BICRAL: variants seen among roughly 807,000 people sequenced by gnomAD.
BICRAL encodes the protein BRD4-interacting chromatin-remodeling complex-associated protein-like.
A neutral mutation model predicts 91.8 loss-of-function variants in BICRAL; 8 were observed. That is an observed-to-expected ratio of 0.09 (90% CI 0.05 to 0.16). The LOEUF (loss-of-function observed/expected upper bound fraction) is 0.16, where lower values mean the gene tolerates loss of function less well. BICRAL is among the 10% of genes least tolerant of loss of function. The pLI, the probability that BICRAL is intolerant of heterozygous loss-of-function variation, is 1.00. For missense variants in BICRAL, 1,038 were observed against 1,310.9 expected, an observed-to-expected ratio of 0.79 and a Z score of 3.21; for synonymous variants, 445 against 491.1, an observed-to-expected ratio of 0.91 and a Z score of 1.24.
At chr6:42,777,883 C>T (rs1287014420), upstream of BICRAL, among the ~76,000 whole-genome samples, 1 of 151,972 alleles carries the variant, frequency 6.6e-6, no homozygotes, top group Admixed American at 6.6e-5. Context: ...GTAGAGAATA[C>T]AATTAAAGCT....
chr6:42,854,603 G>C (rs771576000), intron 8 of BICRAL, among the ~76,000 whole-genome samples: 1 of 152,036 alleles, frequency 6.6e-6, no homozygotes, highest in African/African-American at 2.4e-5. Context: ...CTGAAGCCTC[G>C]ATCACCTGGG....
intron 1 of BICRAL, among the ~76,000 whole-genome samples, chr6:42,756,930 C>A (rs1199673654): frequency 9.7e-6 from 1 of 103,348 alleles, no homozygotes; most frequent in African/African-American, 3.6e-5. Flanking sequence ...CCCCCCCCCC[C>A]ACCCTCCCTC....
Position 42,865,253 on chromosome 6 carries a change from A to T in BICRAL, c.3047A>T (p.Glu1016Val). The T allele has an allele frequency of 6.2e-7, 1 of 1,614,128 alleles. No individual in the cohort carries two copies. The highest frequency in any genetic ancestry group is 8.5e-7 in the Non-Finnish European group (1 of 1,180,004). Residue 1016 changes from glutamate to valine, a missense_variant, in exon 13 of 13, where the codon GAA becomes GTA. By Grantham distance (121) the Glu-to-Val change is moderately radical. Coordinates refer to ENST00000314073, the MANE Select transcript of BICRAL (RefSeq NM_001393499.1). ...SLETTFKNILELKKAGRQPQS... is the reference protein window; with the variant it reads ...SLETTFKNILVLKKAGRQPQS... Reference sequence around the variant, plus strand: ...GAAACCACATTTAAGAACATCTTGGAACTCAAAAAGGCGGGACGGCAGCCC... The same window carrying T: ...GAAACCACATTTAAGAACATCTTGGTACTCAAAAAGGCGGGACGGCAGCCC...
At chr6:42,768,392 A>T (rs1300945427) in intron 1 of BICRAL, among the ~76,000 whole-genome samples, 1 of 152,216 alleles carries the variant, frequency 6.6e-6, no homozygotes, top group Non-Finnish European at 1.5e-5. Flanking sequence ...TTTACATAGC[A>T]GTAATACTAA....
chr6:42,837,545 A>G (rs1764677544), intron 6 of BICRAL, among the ~76,000 whole-genome samples: 1 of 151,856 alleles, frequency 6.6e-6, no homozygotes, highest in African/African-American at 2.4e-5. Flanking sequence ...TGAGGTCAGG[A>G]GTTCAAGACC....
At chr6:42,797,801 C>A (rs1763455677) in intron 1 of BICRAL, among the ~76,000 whole-genome samples, 1 of 152,030 alleles carries the variant, frequency 6.6e-6, no homozygotes, top group African/African-American at 2.4e-5. Flanking sequence ...CATGGTGAAA[C>A]CCCATCTCTA....
chr6:42,809,098 C>T (rs1763785778), intron 1 of BICRAL, among the ~76,000 whole-genome samples: 1 of 151,506 alleles, frequency 6.6e-6, no homozygotes, highest in Non-Finnish European at 1.5e-5. Flanking sequence ...TCCCCTAGCC[C>T]CCGGCACCCC....
At chr6:42,778,841 G>A (rs1262190037), upstream of BICRAL, among the ~76,000 whole-genome samples, 3 of 151,974 alleles carry the variant, frequency 2.0e-5, no homozygotes, top group Non-Finnish European at 2.9e-5. Context: ...GGGGAGGGAC[G>A]GAGTCTTGCT....
chr6:42,762,434 G>A (rs1562450072), intron 1 of BICRAL, among the ~76,000 whole-genome samples: 1 of 152,114 alleles, frequency 6.6e-6, no homozygotes, highest in East Asian at 1.9e-4. Flanking sequence ...TTCGCTATCT[G>A]TGAAATCTTC....
chr6:42,833,572 C>T (rs1257955136), intron 6 of BICRAL, among the ~76,000 whole-genome samples: 1 of 152,000 alleles, frequency 6.6e-6, no homozygotes, highest in African/African-American at 2.4e-5. Context: ...CTCAGCCTCC[C>T]GAGTAGCTAG....
At chr6:42,845,125 G>A (rs1327023899) in intron 6 of BICRAL, among the ~76,000 whole-genome samples, 1 of 143,958 alleles carries the variant, frequency 6.9e-6, no homozygotes, top group Non-Finnish European at 1.5e-5. Context: ...TGTGTTTCTT[G>A]GATGGTAAAT....
At chr6:42,748,299 A>C (rs1762321864) in intron 1 of BICRAL, among the ~76,000 whole-genome samples, 1 of 152,058 alleles carries the variant, frequency 6.6e-6, no homozygotes, top group Admixed American at 6.6e-5. Context: ...AAACAACCTG[A>C]CCTTTTAAGT....
intron 1 of BICRAL, among the ~76,000 whole-genome samples, chr6:42,772,905 G>A (rs925452160): frequency 4.6e-5 from 7 of 152,162 alleles, no homozygotes; most frequent in African/African-American, 1.7e-4. Context: ...GTGAAAGTTT[G>A]CTGAAAATGA....
At chr6:42,807,113 G>A (rs1260345307) in intron 1 of BICRAL, among the ~76,000 whole-genome samples, 1 of 152,218 alleles carries the variant, frequency 6.6e-6, no homozygotes, top group Non-Finnish European at 1.5e-5. Flanking sequence ...TTACAGGCGT[G>A]AGCCACCATG....
intron 1 of BICRAL, among the ~76,000 whole-genome samples, chr6:42,784,459 TTATAAA>T (rs1057372920): frequency 3.1e-4 from 47 of 152,358 alleles, no homozygotes; most frequent in Middle Eastern, 3.4e-3. Flanking sequence ...GTCCTTGTGT[TTATAAA>T]TATACATAGT....
At chr6:42,752,939 T>TGG (rs1245823823) in intron 1 of BICRAL, among the ~76,000 whole-genome samples, 1 of 137,624 alleles carries the variant, frequency 7.3e-6, no homozygotes, top group African/African-American at 2.8e-5. Context: ...TTTTTTTGGT[T>TGG]GGGGGGGTAC....
At chr6:42,846,343 C>G (rs1422083998) in intron 6 of BICRAL, among the ~76,000 whole-genome samples, 1 of 151,396 alleles carries the variant, frequency 6.6e-6, no homozygotes, top group Admixed American at 6.6e-5. Context: ...ACTCCAGCCT[C>G]GGCGACAGAG....
chr6:42,770,322 G>C (rs1447867353), intron 1 of BICRAL, among the ~76,000 whole-genome samples: 1 of 151,750 alleles, frequency 6.6e-6, no homozygotes, highest in Non-Finnish European at 1.5e-5. Context: ...TTCGCCTCTC[G>C]GGTTCAAGCG....
intron 1 of BICRAL, among the ~76,000 whole-genome samples, chr6:42,776,692 A>G (rs1048237935): frequency 1.3e-5 from 2 of 152,152 alleles, no homozygotes; most frequent in African/African-American, 4.8e-5. Context: ...CTCTCCTCCA[A>G]CCAACCTGAG....
Sources: allele counts gnomAD v4.1 joint callset (sites outside exome capture counted in the v4.1 genomes callset), GRCh38; gene constraint gnomAD v4.1.1; transcripts MANE v1.5; gene names NCBI Gene and HGNC (gene_info 2026-07-23, HGNC 2026-07-21).